The following GPR180 variants were observed in gnomAD, a reference collection of about 807,000 sequenced individuals.
GPR180 encodes the protein G protein-coupled receptor 180.
GPR180 carries 53 observed loss-of-function variants against 52.6 expected under a neutral mutation model. That is an observed-to-expected ratio of 1.01 (90% CI 0.81 to 1.27). The LOEUF is 1.27. Among genes scored for constraint, GPR180 ranks in the 50% most tolerant of loss-of-function variants. GPR180 has a pLI of 0.00. For missense variants in GPR180, 533 were observed against 527.0 expected (o/e 1.01, Z -0.11); for synonymous variants, 200 against 193.1 (o/e 1.04, Z -0.30).
At chr13:94,606,902 A>G (rs1265981769) in intron 2 of GPR180, among the ~76,000 whole-genome samples, 1 of 152,230 alleles carries the variant, frequency 6.6e-6, no homozygotes, top group African/African-American at 2.4e-5. Flanking sequence ...TCTGGGAAAT[A>G]CATGCAGATT....
At chr13:94,602,132 C>G in intron 1 of GPR180, 60 bp downstream of exon 1, 1 of 1,248,334 alleles carries the variant, frequency 8.0e-7, no homozygotes, top group Non-Finnish European at 1.0e-6. Context: ...CGGCTGAGTC[C>G]GCCGGCCGCT....
chr13:94,625,755 TATAA>T (rs1889920544), intron 7 of GPR180, among the ~76,000 whole-genome samples: 1 of 152,186 alleles, frequency 6.6e-6, no homozygotes, highest in African/African-American at 2.4e-5. Context: ...AACATAAGAT[TATAA>T]ATACTCCAAA....
In GPR180 at chr13:94,621,141, C is replaced by A; in HGVS notation, c.800C>A (p.Thr267Lys). The A allele has an allele frequency of 1.2e-6, 2 of 1,612,564 alleles. No homozygotes were observed. Among genetic ancestry groups the A allele is most frequent in the Non-Finnish European group, 1.7e-6 (2 of 1,179,654 alleles). The change falls in exon 6 of 9, where the codon ACA becomes AAA. Residue 267 changes from threonine (T) to lysine (K), a missense_variant. Transcript: ENST00000376958. ...YLLLSLCMGW[T>K]IVRMKKSQSR... ...CTTTTGAGTCTATGCATGGGTTGGA[C>A]AATAGTCAGAATGAAGAAGTCTCAA...
In GPR180 at chr13:94,634,343, A is replaced by T. The variant is rs1356668253; in HGVS notation, c.*7172A>T. 1 of 152,152 alleles carries T rather than the reference A, an allele frequency of 6.6e-6. No homozygotes were observed. Among genetic ancestry groups the T allele is most frequent in the Non-Finnish European group, 1.5e-5 (1 of 68,020 alleles). 9.4% of individuals were successfully genotyped at this position (152,152 alleles called of 1,614,324 possible). A position where few individuals can be genotyped will look rare whatever the true frequency, so the allele number is the denominator to read the frequency against. On this transcript the variant is annotated 3_prime_UTR_variant, in exon 9 of 9. Coordinates refer to ENST00000376958, the MANE Select transcript of GPR180 (RefSeq NM_180989.6). ...AAACTAGGTTTTCCCATAGTGATCCAAGAAACTAGTACGAAATGCCTTTCT... is the reference window on the plus strand; with the variant it reads ...AAACTAGGTTTTCCCATAGTGATCCTAGAAACTAGTACGAAATGCCTTTCT...
Position 94,629,643 on chromosome 13 carries a change from T to A in GPR180, c.*2472T>A, listed in dbSNP as rs1889968505. 6.6e-6 allele frequency: 1 copy of A among 152,222 alleles called. No individual in the cohort carries two copies. Among genetic ancestry groups the A allele is most frequent in the African/African-American group, 2.4e-5 (1 of 41,452 alleles). 9.4% of individuals were successfully genotyped at this position (152,222 alleles called of 1,614,324 possible). On this transcript the variant is annotated 3_prime_UTR_variant, in exon 9 of 9. Coordinates refer to ENST00000376958, the MANE Select transcript of GPR180 (RefSeq NM_180989.6). ...GAGAATGAATTGCTATCCATCATAA[T>A]TTTTGCTGTTGATTTGAACATTAAA...
At chr13:94,602,113 C>G in intron 1 of GPR180, 41 bp downstream of exon 1, 1 of 1,283,018 alleles carries the variant, frequency 7.8e-7, no homozygotes, top group Non-Finnish European at 9.9e-7. Flanking sequence ...GCGCGCTGGC[C>G]CATCCCGCCG....
intron 2 of GPR180, among the ~76,000 whole-genome samples, chr13:94,609,143 G>T (rs1421945621): frequency 1.3e-5 from 2 of 152,126 alleles, no homozygotes; most frequent in Non-Finnish European, 2.9e-5. Flanking sequence ...TTATGCATAT[G>T]ATTCCTTTTG....
At chr13:94,623,891 G>T (rs549224405) in intron 7 of GPR180, among the ~76,000 whole-genome samples, 1 of 152,112 alleles carries the variant, frequency 6.6e-6, no homozygotes, top group South Asian at 2.1e-4. Flanking sequence ...ATTTTTTTCT[G>T]TAATACCAGA....
intron 3 of GPR180, among the ~76,000 whole-genome samples, chr13:94,613,714 G>A (rs982036728): frequency 2.6e-5 from 4 of 152,096 alleles, no homozygotes; most frequent in Non-Finnish European, 5.9e-5. Flanking sequence ...CTTTCGACTA[G>A]TATAGATCAT....
At chr13:94,602,385 G>A (rs1027006752) in intron 1 of GPR180, among the ~76,000 whole-genome samples, 5 of 151,892 alleles carry the variant, frequency 3.3e-5, no homozygotes, top group African/African-American at 1.2e-4. Context: ...CTGGTCGGCC[G>A]CATCTTTCCA....
rs1400515050 is a variant in GPR180 at position 94,629,016 on chromosome 13, T to C, written c.*1845T>C. On this transcript the variant is annotated 3_prime_UTR_variant, in exon 9 of 9. Transcript: ENST00000376958. The stretch of plus-strand genomic sequence containing the variant: ...TGCTTGCATTTATGAAACTAACCAG[T>C]TTTTTAAACTTTAATTCTTAAATTT... 1 of 152,084 alleles carries C rather than the reference T, an allele frequency of 6.6e-6. No homozygotes were observed. The highest frequency in any genetic ancestry group is 1.9e-4 in the East Asian group (1 of 5,196). 9.4% of individuals were successfully genotyped at this position (152,084 alleles called of 1,614,324 possible). A position where few individuals can be genotyped will look rare whatever the true frequency, so the allele number is the denominator to read the frequency against.
intron 6 of GPR180, among the ~76,000 whole-genome samples, chr13:94,622,057 T>G (rs527522214): frequency 3.5e-4 from 54 of 152,304 alleles, no homozygotes; most frequent in African/African-American, 1.2e-3. Context: ...CATCTTTCTA[T>G]CCCTAGTATT....
chr13:94,622,403 T>G lies in GPR180; in HGVS notation c.895-706T>G, dbSNP rs531571184. On this transcript the variant is annotated intron_variant, in intron 6 of 8. Coordinates refer to ENST00000376958, the MANE Select transcript of GPR180 (RefSeq NM_180989.6). ...ACTGAGATAATATTACACTAGAGTT[T>G]ATATGAACATTTATGAAGAATACAT... 1.4e-4 allele frequency among the ~76,000 whole-genome samples: 22 copies of G among 152,322 alleles called. No homozygotes were observed. In the South Asian group the frequency reaches 4.4e-3, roughly 30 times the overall value.
chr13:94,623,606 T>G (rs754954307), intron 7 of GPR180, among the ~76,000 whole-genome samples: 2 of 150,784 alleles, frequency 1.3e-5, no homozygotes, highest in Non-Finnish European at 1.5e-5. Flanking sequence ...CTTGAGCCTG[T>G]GCATTGAAGG....
Position 94,627,054 on chromosome 13 carries a change from GGTTATTC to G in GPR180, c.1207_1213del (p.Val403SerfsTer20). On this transcript the variant is annotated frameshift_variant, in exon 9 of 9. Coordinates refer to ENST00000376958, the MANE Select transcript of GPR180 (RefSeq NM_180989.6). LOFTEE classifies it high-confidence loss of function. ...TTATCCTTTGCCAGTCTGTTTCCATGGTTATTCTCTACAGACTCTTTCTGTCTCACAG... is the reference window on the plus strand; with the variant it reads ...TTATCCTTTGCCAGTCTGTTTCCATGTCTACAGACTCTTTCTGTCTCACAG... 1 of 1,611,326 alleles carries G rather than the reference GGTTATTC, an allele frequency of 6.2e-7. No homozygotes were observed. Among genetic ancestry groups the G allele is most frequent in the Non-Finnish European group, 8.5e-7 (1 of 1,178,520 alleles).
chr13:94,621,221 A>G lies in GPR180; in HGVS notation c.880A>G (p.Ile294Val), dbSNP rs780745777. ...TGCATCCACTGGCATTGCAGTATTC[A>G]TTGTCATGACACAGGTGGGTATTGA... Reference protein sequence around the residue: ...TPASTGIAVFIVMTQSVLLLW... With the variant: ...TPASTGIAVFVVMTQSVLLLW... Residue 294 changes from isoleucine to valine, a missense_variant, in exon 6 of 9, where the codon ATT becomes GTT. Transcript: ENST00000376958. The G allele has an allele frequency of 6.3e-6, 10 of 1,598,194 alleles. No homozygotes were observed. The East Asian group carries it at 1.6e-4, about 25-fold the overall frequency.
At chr13:94,618,475 A>G (rs1421287510) in intron 3 of GPR180, among the ~76,000 whole-genome samples, 2 of 131,528 alleles carry the variant, frequency 1.5e-5, no homozygotes, top group Admixed American at 1.6e-4. Flanking sequence ...ATCTCAGAAG[A>G]TATCTCTGGA....
At chr13:94,622,723 G>A (rs1356859909) in intron 6 of GPR180, among the ~76,000 whole-genome samples, 1 of 152,072 alleles carries the variant, frequency 6.6e-6, no homozygotes, top group Admixed American at 6.6e-5. Context: ...ACAGGTGCCC[G>A]CCACCACACC....
rs1013139955 is a variant in GPR180 at position 94,627,393 on chromosome 13, T to G, written c.*222T>G. The G allele has an allele frequency of 3.1e-5, 14 of 456,650 alleles. No homozygotes were observed. Among genetic ancestry groups the G allele is most frequent in the Middle Eastern group, 5.4e-4 (1 of 1,836 alleles). 28.3% of individuals were successfully genotyped at this position (456,650 alleles called of 1,614,324 possible). A position where few individuals can be genotyped will look rare whatever the true frequency, so the allele number is the denominator to read the frequency against. On this transcript the variant is annotated 3_prime_UTR_variant, in exon 9 of 9. Coordinates refer to ENST00000376958, the MANE Select transcript of GPR180 (RefSeq NM_180989.6). ...AAACAACAAACTTTGAAGAAAGTGTTGTTATAAAATTATTGAAGCGATTTC... is the reference window on the plus strand; with the variant it reads ...AAACAACAAACTTTGAAGAAAGTGTGGTTATAAAATTATTGAAGCGATTTC...
Sources: gnomAD v4.1 joint callset for allele counts (sites outside exome capture counted in the v4.1 genomes callset) on GRCh38, gnomAD v4.1.1 for gene constraint, MANE v1.5 for transcripts, NCBI Gene and HGNC (gene_info 2026-07-23, HGNC 2026-07-21) for gene names.